The following NRG3 variants were observed in gnomAD, a reference collection of about 807,000 sequenced individuals.
NRG3 encodes neuregulin 3.
Under a neutral mutation model 66.9 loss-of-function variants are expected in NRG3, and 31 were observed. The ratio of observed to expected loss-of-function variants is 0.46; its 90% CI spans 0.35 to 0.63. The LOEUF (loss-of-function observed/expected upper bound fraction) is 0.63. Among genes scored for constraint, NRG3 ranks in the 20% least tolerant of loss-of-function variants. NRG3 has a pLI of 0.00. For missense variants in NRG3, 910 were observed against 878.9 expected (o/e 1.04, Z -0.45); for synonymous variants, 393 against 359.4 (o/e 1.09, Z -1.06).
At chr10:82,066,062 A>G (rs1200388477) in intron 1 of NRG3, among the ~76,000 whole-genome samples, 1 of 152,202 alleles carries the variant, frequency 6.6e-6, no homozygotes, top group East Asian at 1.9e-4. Flanking sequence ...AATGAACGTG[A>G]ACTAAAATGT....
At chr10:82,143,336 C>A (rs549410868) in intron 1 of NRG3, among the ~76,000 whole-genome samples, 66 of 152,240 alleles carry the variant, frequency 4.3e-4, no homozygotes, top group African/African-American at 1.4e-3. Context: ...CACTAATGTG[C>A]ATGTTTTGAA....
At chr10:82,147,430 C>T (rs1047558660) in intron 1 of NRG3, among the ~76,000 whole-genome samples, 1 of 152,180 alleles carries the variant, frequency 6.6e-6, no homozygotes, top group Non-Finnish European at 1.5e-5. Context: ...GTCCTTAGTT[C>T]AGCATCTTTA....
intron 6 of NRG3, among the ~76,000 whole-genome samples, chr10:82,972,741 G>C (rs1259707483): frequency 6.6e-6 from 1 of 152,018 alleles, no homozygotes; most frequent in African/African-American, 2.4e-5. Context: ...TATTGTCTGT[G>C]AATTTTTTCA....
chr10:81,880,654 C>T (rs185783429), intron 1 of NRG3, among the ~76,000 whole-genome samples: 8 of 152,166 alleles, frequency 5.3e-5, no homozygotes, highest in Non-Finnish European at 7.3e-5. Context: ...CTCATAACCT[C>T]TCATCTCCAA....
In NRG3 at chr10:82,899,688, A is replaced by G. The variant is rs539874222; in HGVS notation, c.1054+34251A>G. On this transcript the variant is annotated intron_variant, in intron 4 of 8. Coordinates refer to ENST00000372141, the MANE Select transcript of NRG3 (RefSeq NM_001010848.4). ...TTTATTCTCAAAACTAGCCTCAGTC[A>G]TTGACGATGATTGCTATTTAAAGGT... is the stretch of plus-strand genomic sequence containing the variant. Among the ~76,000 whole-genome samples, 26 of 152,304 alleles carry G rather than the reference A, an allele frequency of 1.7e-4. No homozygotes were observed. The South Asian group carries it at 5.2e-3, about 30-fold the overall frequency.
chr10:82,067,578 C>G (rs1022972934), intron 1 of NRG3, among the ~76,000 whole-genome samples: 2 of 152,200 alleles, frequency 1.3e-5, no homozygotes, highest in African/African-American at 4.8e-5. Context: ...AAACTGCTGA[C>G]CTCAGGTGAT....
chr10:82,676,665 G>A (rs2053708553), intron 2 of NRG3, among the ~76,000 whole-genome samples: 1 of 151,986 alleles, frequency 6.6e-6, no homozygotes, highest in Admixed American at 6.5e-5. Flanking sequence ...TGTATTTTTA[G>A]TAGAGACAGA....
At chr10:82,296,778 A>G (rs1346970352) in intron 1 of NRG3, among the ~76,000 whole-genome samples, 1 of 145,390 alleles carries the variant, frequency 6.9e-6, no homozygotes, top group Non-Finnish European at 1.5e-5. Flanking sequence ...GAGTGTATGT[A>G]TTTTTTTTTT....
chr10:82,470,144 C>A (rs565169321), intron 2 of NRG3, among the ~76,000 whole-genome samples: 3 of 152,186 alleles, frequency 2.0e-5, no homozygotes, highest in African/African-American at 7.2e-5. Context: ...TCAAGGCACA[C>A]TGTAAAAGAA....
rs555346044 is a variant in NRG3 at position 82,249,278 on chromosome 10, T to C, written c.824-109461T>C. On this transcript the variant is annotated intron_variant, in intron 1 of 8. Transcript: ENST00000372141. ...TTACATCCAGTAGACAGATGTTCAATGAAGGGCTATTGAATTCATGTGGAT... is the reference window on the plus strand; with the variant it reads ...TTACATCCAGTAGACAGATGTTCAACGAAGGGCTATTGAATTCATGTGGAT... 2.6e-3 allele frequency among the ~76,000 whole-genome samples: 403 copies of C among 152,340 alleles called. 2 individuals are homozygous for C. The highest frequency in any genetic ancestry group is 9.5e-3 in the African/African-American group (396 of 41,578).
At position 82,839,519 on chromosome 10, in the gene NRG3, A is replaced by G. The variant is rs376068052; in HGVS notation, c.1028-25892A>G. 1.5e-4 allele frequency among the ~76,000 whole-genome samples: 23 copies of G among 151,824 alleles called. No homozygotes were observed. The East Asian group carries it at 2.7e-3, about 18-fold the overall frequency. ...ACAATACCATCACCAAGGGATAAGT[A>G]ATAAGTATTTATTTTCTTTTATATT... On this transcript the variant is annotated intron_variant, in intron 3 of 8. Coordinates refer to ENST00000372141, the MANE Select transcript of NRG3 (RefSeq NM_001010848.4).
intron 2 of NRG3, among the ~76,000 whole-genome samples, chr10:82,515,777 G>A (rs1181761620): frequency 6.6e-6 from 1 of 152,080 alleles, no homozygotes; most frequent in Non-Finnish European, 1.5e-5. Context: ...TTTTGAAAGT[G>A]GCTCCACACA....
At chr10:82,633,754 G>A (rs2050001334) in intron 2 of NRG3, among the ~76,000 whole-genome samples, 1 of 152,166 alleles carries the variant, frequency 6.6e-6, no homozygotes. Context: ...GCCAAGTTTG[G>A]GAGATGGGCT....
At chr10:82,599,903 T>C (rs1565113210) in intron 2 of NRG3, among the ~76,000 whole-genome samples, 1 of 152,176 alleles carries the variant, frequency 6.6e-6, no homozygotes, top group Non-Finnish European at 1.5e-5. Flanking sequence ...AGTAGTGGTA[T>C]TAGAATGATA....
chr10:81,965,860 C>A (rs2059712010), intron 1 of NRG3, among the ~76,000 whole-genome samples: 1 of 152,038 alleles, frequency 6.6e-6, no homozygotes, highest in African/African-American at 2.4e-5. Context: ...TTCTAATCTT[C>A]CTAACTCTTA....
At position 82,564,244 on chromosome 10, in the gene NRG3, C is replaced by T. The variant is rs543158223; in HGVS notation, c.954-174333C>T. On this transcript the variant is annotated intron_variant, in intron 2 of 8. Transcript: ENST00000372141. ...TTGTAGGAAATAAAAAGTGTGAATG[C>T]TTGAGCTGAGGCTGTCAGTGATATT... Among the ~76,000 whole-genome samples, 3 of 152,236 alleles carry T rather than the reference C, an allele frequency of 2.0e-5. No individual in the cohort carries two copies. The South Asian group carries it at 6.2e-4, about 32-fold the overall frequency.
intron 2 of NRG3, among the ~76,000 whole-genome samples, chr10:82,699,311 G>A (rs1037480144): frequency 8.6e-5 from 13 of 151,486 alleles, no homozygotes; most frequent in African/African-American, 1.7e-4. Flanking sequence ...GAGACAGGGA[G>A]GGAGGGAAGG....
chr10:82,030,553 G>C (rs1429088526), intron 1 of NRG3, among the ~76,000 whole-genome samples: 1 of 152,054 alleles, frequency 6.6e-6, no homozygotes, highest in African/African-American at 2.4e-5. Context: ...ATGTACCTCA[G>C]GGAGAAAACG....
At chr10:82,813,088 C>A (rs2061557932) in intron 3 of NRG3, among the ~76,000 whole-genome samples, 1 of 152,028 alleles carries the variant, frequency 6.6e-6, no homozygotes, top group African/African-American at 2.4e-5. Context: ...GTGCTCATAT[C>A]ACTCATGGCA....
Sources: gnomAD v4.1 joint callset for allele counts (sites outside exome capture counted in the v4.1 genomes callset) on GRCh38, gnomAD v4.1.1 for gene constraint, MANE v1.5 for transcripts, NCBI Gene and HGNC (gene_info 2026-07-23, HGNC 2026-07-21) for gene names.